The following RGS6 variants were observed in gnomAD, a reference collection of about 807,000 sequenced individuals.
RGS6 encodes the protein regulator of G-protein signaling 6.
RGS6 carries 30 observed loss-of-function variants against 78.5 expected under a neutral mutation model. That is an observed-to-expected ratio of 0.38 (90% CI 0.29 to 0.52). The LOEUF (loss-of-function observed/expected upper bound fraction) is 0.52. Among genes scored for constraint, RGS6 ranks in the 20% least tolerant of loss-of-function variants. RGS6 has a pLI of 0.85. For missense variants in RGS6, 495 were observed against 609.7 expected (o/e 0.81, Z 1.98); for synonymous variants, 206 against 206.0 (o/e 1.00, Z 0.00).
chr14:72,153,521 C>G (rs1404349003), intron 2 of RGS6, among the ~76,000 whole-genome samples: 1 of 152,174 alleles, frequency 6.6e-6, no homozygotes, highest in African/African-American at 2.4e-5. Context: ...TTGGGGGAAC[C>G]TGCCCCCAGT....
chr14:72,598,064 C>T, the RGS6 span, among the ~76,000 whole-genome samples: 1 of 152,242 alleles, frequency 6.6e-6, no homozygotes, highest in African/African-American at 2.4e-5. Context: ...TGTTCACAAA[C>T]ATTTGCAGAC....
chr14:72,034,254 A>G (rs1410309263), intron 2 of RGS6, among the ~76,000 whole-genome samples: 1 of 152,150 alleles, frequency 6.6e-6, no homozygotes, highest in Non-Finnish European at 1.5e-5. Flanking sequence ...TTCTGAACTT[A>G]AAGGAAAAGC....
intron 2 of RGS6, among the ~76,000 whole-genome samples, chr14:72,119,664 G>A (rs977856931): frequency 2.6e-5 from 4 of 152,264 alleles, no homozygotes; most frequent in East Asian, 1.9e-4. Flanking sequence ...TGAAACAAAC[G>A]AGAGAGAAAG....
At chr14:72,021,261 C>T (rs2088417347) in intron 2 of RGS6, among the ~76,000 whole-genome samples, 1 of 152,120 alleles carries the variant, frequency 6.6e-6, no homozygotes, top group Non-Finnish European at 1.5e-5. Context: ...TGGCTGAGCA[C>T]TTTGCTACTT....
chr14:72,591,148 T>C, the RGS6 span, among the ~76,000 whole-genome samples: 1 of 152,198 alleles, frequency 6.6e-6, no homozygotes, highest in Non-Finnish European at 1.5e-5. Context: ...TTTATACTCA[T>C]CCTTTTTTCC....
At chr14:72,375,134 A>G (rs1240271150) in intron 3 of RGS6, among the ~76,000 whole-genome samples, 1 of 152,156 alleles carries the variant, frequency 6.6e-6, no homozygotes, top group Non-Finnish European at 1.5e-5. Context: ...GATAAATTCT[A>G]ACATCTAACC....
chr14:72,566,801 G>C (rs2153560152), downstream of RGS6, among the ~76,000 whole-genome samples: 1 of 152,270 alleles, frequency 6.6e-6, no homozygotes, highest in African/African-American at 2.4e-5. Context: ...TGAAGTCCCT[G>C]ACTCTGCCAG....
chr14:72,187,660 A>G (rs1427914904), intron 2 of RGS6, among the ~76,000 whole-genome samples: 6 of 152,180 alleles, frequency 3.9e-5, no homozygotes, highest in Non-Finnish European at 7.3e-5. Flanking sequence ...AGAGCCTAAC[A>G]CATCTCTGGC....
the RGS6 span, among the ~76,000 whole-genome samples, chr14:71,872,411 C>T: frequency 1.6e-4 from 24 of 152,258 alleles, no homozygotes; most frequent in African/African-American, 5.3e-4. Context: ...CTCAGCTTAA[C>T]GCAGTGCTGT....
At chr14:72,001,478 ACACACACACACACACACAC>A (rs2083414948) in intron 2 of RGS6, among the ~76,000 whole-genome samples, 39 of 3,030 alleles carry the variant, frequency 0.013, no homozygotes, top group African/African-American at 0.027. Context: ...CAGAACACAC[ACACACACACACACACACAC>A]ACACACACAC....
At chr14:72,362,834 C>T (rs973664830) in intron 3 of RGS6, among the ~76,000 whole-genome samples, 1 of 152,120 alleles carries the variant, frequency 6.6e-6, no homozygotes, top group African/African-American at 2.4e-5. Context: ...TTGGGAGACA[C>T]GATTCATTGG....
chr14:72,098,994 C>G (rs1189373285), intron 2 of RGS6, among the ~76,000 whole-genome samples: 1 of 152,176 alleles, frequency 6.6e-6, no homozygotes, highest in Admixed American at 6.5e-5. Context: ...TCCATGCATC[C>G]TTAGAATTGT....
rs191769269 is a variant in RGS6, at chr14:72,561,109, C to T, written c.1423-1308C>T. Among the ~76,000 whole-genome samples, 176 of 152,152 alleles carry T rather than the reference C, an allele frequency of 1.2e-3. 1 individual carries two copies. The highest frequency in any genetic ancestry group is 4.0e-3 in the African/African-American group (168 of 41,498). On this transcript the variant is annotated intron_variant, in intron 17 of 17. Transcript: ENST00000553525. ...GCCCGTGTTGTTTATTAGATAAACCCGTTATCCATCAATTCATCAATCAGC... is the reference window on the plus strand; with the variant it reads ...GCCCGTGTTGTTTATTAGATAAACCTGTTATCCATCAATTCATCAATCAGC...
At chr14:71,968,665 C>T (rs2093649979) in intron 2 of RGS6, among the ~76,000 whole-genome samples, 1 of 152,120 alleles carries the variant, frequency 6.6e-6, no homozygotes, top group African/African-American at 2.4e-5. Flanking sequence ...CTTTCTAGCA[C>T]CCTATGCGAC....
intron 3 of RGS6, among the ~76,000 whole-genome samples, chr14:72,378,100 C>T (rs1466562990): frequency 6.6e-6 from 1 of 152,150 alleles, no homozygotes; most frequent in African/African-American, 2.4e-5. Context: ...TAACCTGCTC[C>T]TGAGTGACCA....
intron 1 of RGS6, among the ~76,000 whole-genome samples, chr14:71,949,639 T>A (rs997782255): frequency 6.6e-6 from 1 of 152,160 alleles, no homozygotes; most frequent in Non-Finnish European, 1.5e-5. Flanking sequence ...CACTCTCTTT[T>A]GATGAATTGG....
chr14:71,966,176 G>C (rs1435263331), intron 2 of RGS6, among the ~76,000 whole-genome samples: 1 of 152,114 alleles, frequency 6.6e-6, no homozygotes, highest in Non-Finnish European at 1.5e-5. Context: ...CTAACTACTT[G>C]AGTTTCTACT....
chr14:72,087,098 T>G (rs1262275999), intron 2 of RGS6, among the ~76,000 whole-genome samples: 2 of 152,202 alleles, frequency 1.3e-5, no homozygotes, highest in Non-Finnish European at 2.9e-5. Flanking sequence ...TTTCATCAGA[T>G]AAGATGAAAT....
chr14:71,892,717 G>A, the RGS6 span, among the ~76,000 whole-genome samples: 152,098 of 152,402 alleles, frequency 1, 75,905 homozygotes, highest in Middle Eastern at 1. Flanking sequence ...TGAGACTACA[G>A]TGGGGTTATT....
Sources: allele counts gnomAD v4.1 joint callset (sites outside exome capture counted in the v4.1 genomes callset), GRCh38; gene constraint gnomAD v4.1.1; transcripts MANE v1.5; gene names NCBI Gene and HGNC (gene_info 2026-07-23, HGNC 2026-07-21).